DLGAP2: variants seen among roughly 807,000 people sequenced by gnomAD.
The protein encoded by DLGAP2 is disks large-associated protein 2.
Under a neutral mutation model 100.3 loss-of-function variants are expected in DLGAP2, and 26 were observed. The observed-to-expected ratio is 0.26, with a 90% CI of 0.19 to 0.36. The LOEUF (loss-of-function observed/expected upper bound fraction) is 0.36. Among genes scored for constraint, DLGAP2 ranks in the 10% least tolerant of loss-of-function variants. The pLI is 1.00. For synonymous variants in DLGAP2, 886 were observed against 630.1 expected, an observed-to-expected ratio of 1.41 and a Z score of -6.08; for missense variants, 1,858 against 1,453.2, an observed-to-expected ratio of 1.28 and a Z score of -4.53.
chr8:1,541,183 C>G (rs1345976275), intron 4 of DLGAP2, among the ~76,000 whole-genome samples: 3 of 152,334 alleles, frequency 2.0e-5, no homozygotes, highest in African/African-American at 7.2e-5. Context: ...CTTACCTCCA[C>G]TGAGCCCCTA....
At chr8:1,382,700 C>A (rs1409713199) in intron 3 of DLGAP2, among the ~76,000 whole-genome samples, 1 of 152,054 alleles carries the variant, frequency 6.6e-6, no homozygotes. Flanking sequence ...CATGATCGTG[C>A]CGCTGCACTC....
chr8:1,675,337 C>T (rs956184820), intron 10 of DLGAP2, among the ~76,000 whole-genome samples: 1 of 152,228 alleles, frequency 6.6e-6, no homozygotes, highest in African/African-American at 2.4e-5. Context: ...AGCAAGTCAC[C>T]CCCCTCCTCT....
intron 3 of DLGAP2, among the ~76,000 whole-genome samples, chr8:1,377,517 C>G (rs987637019): frequency 2.6e-5 from 4 of 152,050 alleles, no homozygotes; most frequent in Admixed American, 6.5e-5. Flanking sequence ...GCACTCCAGC[C>G]CGGGCGATAG....
At chr8:1,004,503 CA>C (rs1199754230) in intron 2 of DLGAP2, among the ~76,000 whole-genome samples, 4 of 152,178 alleles carry the variant, frequency 2.6e-5, no homozygotes, top group African/African-American at 9.7e-5. Context: ...CGGCCACAAT[CA>C]GGGTTGGAAG....
chr8:1,210,157 G>C (rs1468524987), intron 2 of DLGAP2, among the ~76,000 whole-genome samples: 1 of 152,122 alleles, frequency 6.6e-6, no homozygotes, highest in Non-Finnish European at 1.5e-5. Context: ...TCACCCCCCA[G>C]GTTCCAGGCC....
chr8:987,931 A>G (rs375325193), intron 2 of DLGAP2, among the ~76,000 whole-genome samples: 4 of 152,144 alleles, frequency 2.6e-5, no homozygotes, highest in East Asian at 3.9e-4. Flanking sequence ...TATTCTCCGT[A>G]TGTATTAAGG....
intron 2 of DLGAP2, among the ~76,000 whole-genome samples, chr8:962,890 C>T (rs1180598934): frequency 6.6e-6 from 1 of 152,188 alleles, no homozygotes; most frequent in Non-Finnish European, 1.5e-5. Flanking sequence ...TCATGCCAGG[C>T]TTTGTGACCG....
chr8:768,815 A>T lies in DLGAP2; in HGVS notation c.18+30990A>T, dbSNP rs149326744. ...TTCCATCGGAAAACCTAACATTTAA[A>T]ATTGGCATGCTTTAAAAATATGAAA... On this transcript the variant is annotated intron_variant, in intron 1 of 14. Transcript: ENST00000637795. Among the ~76,000 whole-genome samples, 158 of 152,236 alleles carry T rather than the reference A, an allele frequency of 1.0e-3. 1 individual carries two copies. The highest frequency in any genetic ancestry group is 3.7e-3 in the African/African-American group (153 of 41,540).
intron 6 of DLGAP2, among the ~76,000 whole-genome samples, chr8:1,624,786 T>A (rs560456469): frequency 6.6e-6 from 1 of 152,016 alleles, no homozygotes; most frequent in East Asian, 1.9e-4. Context: ...ATGTGAAGAC[T>A]GTGTGCTTCA....
At chr8:835,900 G>C (rs893037815) in intron 1 of DLGAP2, among the ~76,000 whole-genome samples, 4 of 152,096 alleles carry the variant, frequency 2.6e-5, no homozygotes, top group Non-Finnish European at 5.9e-5. Context: ...TTACGCTGCC[G>C]TAACTGTGAT....
intron 4 of DLGAP2, among the ~76,000 whole-genome samples, chr8:1,510,340 C>T (rs1320512381): frequency 6.6e-6 from 1 of 152,208 alleles, no homozygotes; most frequent in Non-Finnish European, 1.5e-5. Flanking sequence ...CCTTGCCAGC[C>T]TCGTTGCCCC....
At chr8:938,834 G>T (rs1015212334) in intron 2 of DLGAP2, among the ~76,000 whole-genome samples, 1 of 152,222 alleles carries the variant, frequency 6.6e-6, no homozygotes, top group East Asian at 1.9e-4. Context: ...TGCCTCAGAG[G>T]CCAAGGAGAG....
intron 6 of DLGAP2, among the ~76,000 whole-genome samples, chr8:1,588,755 A>G (rs889959859): frequency 6.6e-6 from 1 of 150,832 alleles, no homozygotes; most frequent in Non-Finnish European, 1.5e-5. Flanking sequence ...AAAAAAAAAA[A>G]AAAAAAAGGA....
chr8:1,702,300 T>G lies in DLGAP2; in HGVS notation c.*894T>G, dbSNP rs905019474. 1 of 152,278 alleles carries G rather than the reference T, an allele frequency of 6.6e-6. No individual in the cohort carries two copies. The highest frequency in any genetic ancestry group is 2.1e-4 in the South Asian group (1 of 4,832). 9.4% of individuals were successfully genotyped at this position (152,278 alleles called of 1,614,324 possible). A position where few individuals can be genotyped will look rare whatever the true frequency, so the allele number is the denominator to read the frequency against. On this transcript the variant is annotated 3_prime_UTR_variant, in exon 15 of 15. Coordinates refer to ENST00000637795, the MANE Select transcript of DLGAP2 (RefSeq NM_001346810.2). ...ACCATTTACGCTACATGTGATTTTTTTAATGTATGTATATATATATATTCT... is the reference window on the plus strand; with the variant it reads ...ACCATTTACGCTACATGTGATTTTTGTAATGTATGTATATATATATATTCT...
intron 3 of DLGAP2, among the ~76,000 whole-genome samples, chr8:1,472,081 G>A (rs1563169280): frequency 1.3e-5 from 2 of 152,252 alleles, no homozygotes; most frequent in African/African-American, 2.4e-5. Flanking sequence ...TTGAGCGTGG[G>A]AGTGAGACAG....
At chr8:1,292,187 C>T (rs1459275412) in intron 3 of DLGAP2, among the ~76,000 whole-genome samples, 2 of 152,226 alleles carry the variant, frequency 1.3e-5, no homozygotes, top group Non-Finnish European at 2.9e-5. Context: ...TTTGCTCATG[C>T]ACCCCCTCCT....
intron 3 of DLGAP2, among the ~76,000 whole-genome samples, chr8:1,308,148 C>T (rs982251751): frequency 3.9e-5 from 6 of 152,200 alleles, no homozygotes. Context: ...GGGCTCGTTG[C>T]AAGCCAGGGT....
chr8:1,571,363 T>C (rs1368101538), intron 6 of DLGAP2, among the ~76,000 whole-genome samples: 4 of 91,860 alleles, frequency 4.4e-5, no homozygotes, highest in African/African-American at 8.8e-5. Context: ...TCTGATGAGA[T>C]GGAGAGGAGA....
intron 3 of DLGAP2, among the ~76,000 whole-genome samples, chr8:1,383,294 A>G (rs1365236137): frequency 2.0e-5 from 3 of 152,244 alleles, no homozygotes; most frequent in African/African-American, 7.2e-5. Flanking sequence ...AGTATTTCAA[A>G]TTCTCAAATA....
Sources: allele counts gnomAD v4.1 joint callset (sites outside exome capture counted in the v4.1 genomes callset), GRCh38; gene constraint gnomAD v4.1.1; transcripts MANE v1.5; gene names NCBI Gene and HGNC (gene_info 2026-07-23, HGNC 2026-07-21).